EVC: variants seen among roughly 807,000 people sequenced by gnomAD.
EVC encodes the protein EvC ciliary complex subunit 1.
EVC carries 116 observed loss-of-function variants against 118.9 expected under a neutral mutation model. The observed-to-expected ratio is 0.98, with a 90% confidence interval of 0.84 to 1.14. The LOEUF is 1.14. EVC is among the 50% of genes most tolerant of loss of function. EVC has a pLI of 0.00. For synonymous variants in EVC, 619 were observed against 534.7 expected (o/e 1.16, Z -2.18); for missense variants, 1,401 against 1,246.4 (o/e 1.12, Z -1.87).
chr4:5,798,923 T>C lies in EVC; in HGVS notation c.2304+131T>C, dbSNP rs1714477206. 2.0e-6 allele frequency: 2 copies of C among 986,876 alleles called. No individual in the cohort carries two copies. Among genetic ancestry groups the C allele is most frequent in the Non-Finnish European group, 3.2e-6 (2 of 634,266 alleles). The allele number at this position is 986,876 out of a possible 1,614,324, so 61.1% of individuals were successfully genotyped here. A position where few individuals can be genotyped will look rare whatever the true frequency, so the allele number is the denominator to read the frequency against. The stretch of plus-strand genomic sequence containing the variant: ...TAGTAGACTTTGCCTGACTTCTCCA[T>C]GACTTGATTTTCTCATCTGTAAGGT... On this transcript the variant is annotated intron_variant, in intron 15 of 20. Transcript: ENST00000264956. The surrounding 1 kb of genome is among the most constrained non-coding windows in gnomAD (Gnocchi z 4.1).
the EVC span, among the ~76,000 whole-genome samples, chr4:5,820,145 T>C: frequency 6.6e-6 from 1 of 152,194 alleles, no homozygotes. Context: ...TCCTCATCTG[T>C]ACAATGGGGA....
chr4:5,779,126 G>A, intron 11 of EVC, among the ~76,000 whole-genome samples: 1 of 151,748 alleles, frequency 6.6e-6, no homozygotes, highest in South Asian at 2.1e-4. Flanking sequence ...GTTTTTCTCA[G>A]GTTTGTCAAA....
chr4:5,712,439 G>T (rs1335229712), intron 1 of EVC, among the ~76,000 whole-genome samples: 1 of 152,208 alleles, frequency 6.6e-6, no homozygotes, highest in Non-Finnish European at 1.5e-5. Context: ...GGCCCTCATG[G>T]AATTGGCTGT....
intron 14 of EVC, among the ~76,000 whole-genome samples, chr4:5,797,630 C>T (rs1270275555): frequency 6.6e-6 from 1 of 152,214 alleles, no homozygotes; most frequent in African/African-American, 2.4e-5. Context: ...ATCACCTCCT[C>T]AAAGGCACTA....
chr4:5,825,905 A>G, the EVC span: 2 of 514,754 alleles, frequency 3.9e-6, no homozygotes, highest in Non-Finnish European at 6.7e-6. This position sits in a 1 kb window ranked among gnomAD's most constrained non-coding sequence, Gnocchi z 4.4. Flanking sequence ...ATACAGACGC[A>G]CACACCACGC....
At chr4:5,750,901 G>C (rs1174384477) in intron 8 of EVC, among the ~76,000 whole-genome samples, 1 of 152,180 alleles carries the variant, frequency 6.6e-6, no homozygotes, top group African/African-American at 2.4e-5. Context: ...CCGTATCTCA[G>C]AACACAGAAG....
At chr4:5,828,636 C>T in the EVC span, 28 of 1,614,236 alleles carry the variant, frequency 1.7e-5, no homozygotes, top group Non-Finnish European at 2.3e-5. Flanking sequence ...AGCCGTGGCA[C>T]TCCATACCCT....
At chr4:5,757,582 G>T (rs1731371221) in intron 11 of EVC, among the ~76,000 whole-genome samples, 1 of 152,224 alleles carries the variant, frequency 6.6e-6, no homozygotes, top group Non-Finnish European at 1.5e-5. Flanking sequence ...CTCTCTTCCG[G>T]GCTTGCAGAC....
In EVC at chr4:5,711,299, C is replaced by G. The variant is rs1361504607; in HGVS notation, c.-82C>G. 1 of 946,712 alleles carries G rather than the reference C, an allele frequency of 1.1e-6. No homozygotes were observed. Among genetic ancestry groups the G allele is most frequent in the Non-Finnish European group, 1.3e-6 (1 of 790,898 alleles). 58.6% of individuals were successfully genotyped at this position (946,712 alleles called of 1,614,324 possible). On this transcript the variant is annotated 5_prime_UTR_variant, in exon 1 of 21. Transcript: ENST00000264956. ...GGGCCGCGCCCCTGGCCCGCCCGGG[C>G]TCCAAGTCCCGCGTCGCCGCCCTGG...
rs1730996542 is a variant in EVC, at chr4:5,755,346, T to A, written c.1465-918T>A. The stretch of plus-strand genomic sequence containing the variant: ...CCTCAGCGCTGGCGTTCAGGACACG[T>A]GGGACGCAGGCAGGGAAGGGTGAAT... On this transcript the variant is annotated intron_variant, in intron 10 of 20. Coordinates refer to ENST00000264956, the MANE Select transcript of EVC (RefSeq NM_153717.3). This position sits in a 1 kb window ranked among gnomAD's most constrained non-coding sequence, Gnocchi z 4.1. Among the ~76,000 whole-genome samples the A allele has an allele frequency of 6.6e-6, 1 of 151,894 alleles. No individual in the cohort carries two copies. The highest frequency in any genetic ancestry group is 2.4e-5 in the African/African-American group (1 of 41,304).
chr4:5,751,608 C>T (rs1332055263), intron 8 of EVC, among the ~76,000 whole-genome samples: 2 of 152,240 alleles, frequency 1.3e-5, no homozygotes, highest in African/African-American at 2.4e-5. Flanking sequence ...ACAGTGTGGC[C>T]ATGGCTGGTC....
In EVC at chr4:5,808,292, G is replaced by A. The variant is rs1241844907; in HGVS notation, c.2653G>A (p.Asp885Asn). ...HAQQQQAGVM[D>N]LLEAQLETQL... ...CCAGCAGCAGCAGGCAGGAGTCATG[G>A]ACCTTCTGGAAGCCCAGCTGGAGAC... The change falls in exon 18 of 21, where the codon GAC (aspartate) becomes AAC (asparagine). Residue 885 changes from aspartate to asparagine, a missense_variant. Physicochemically the swap from Asp to Asn is conservative, Grantham distance 23. Coordinates refer to ENST00000264956, the MANE Select transcript of EVC (RefSeq NM_153717.3). 8 of 1,614,184 alleles carry A rather than the reference G, an allele frequency of 5.0e-6. No homozygotes were observed. In the South Asian group the frequency reaches 6.6e-5, roughly 13 times the overall value.
chr4:5,784,347 C>T (rs1215757548), intron 12 of EVC, among the ~76,000 whole-genome samples: 13 of 152,186 alleles, frequency 8.5e-5, no homozygotes, highest in Non-Finnish European at 1.5e-4. Context: ...GGTTGATGTT[C>T]TAAGCAGAGG....
intron 2 of EVC, among the ~76,000 whole-genome samples, chr4:5,726,576 T>TTTA (rs1168107884): frequency 6.7e-6 from 1 of 149,672 alleles, no homozygotes; most frequent in Non-Finnish European, 1.5e-5. Flanking sequence ...TTCTTTTTTT[T>TTTA]TTTTTTTATT....
intron 16 of EVC, among the ~76,000 whole-genome samples, chr4:5,804,030 T>C (rs1715455452): frequency 6.6e-6 from 1 of 151,782 alleles, no homozygotes; most frequent in South Asian, 2.1e-4. Context: ...AACCTCTGCT[T>C]CCTGTGTTCC....
intron 1 of EVC, among the ~76,000 whole-genome samples, chr4:5,717,928 G>C (rs1724248135): frequency 6.6e-6 from 1 of 152,214 alleles, no homozygotes; most frequent in African/African-American, 2.4e-5. Context: ...CAAAAGCAGA[G>C]GCTGTGTATT....
At position 5,754,701 on chromosome 4, in the gene EVC, C is replaced by A. The variant is rs2152086046; in HGVS notation, c.1464+768C>A. 6.6e-6 allele frequency among the ~76,000 whole-genome samples: 1 copy of A among 152,244 alleles called. No homozygotes were observed. Among genetic ancestry groups the A allele is most frequent in the Admixed American group, 6.5e-5 (1 of 15,298 alleles). On this transcript the variant is annotated intron_variant, in intron 10 of 20. Transcript: ENST00000264956. The surrounding 1 kb of genome is among the most constrained non-coding windows in gnomAD (Gnocchi z 5.8). ...CACTTGGGTTTGGGTGCTGACTCTG[C>A]CACTAAATAGCTGGGTGACCTTGGG...
chr4:5,715,679 G>A (rs1426969645), intron 1 of EVC, among the ~76,000 whole-genome samples: 8 of 151,090 alleles, frequency 5.3e-5, no homozygotes, highest in Admixed American at 4.0e-4. Context: ...ACTTAATTTG[G>A]TAAGAATAAT....
intron 12 of EVC, among the ~76,000 whole-genome samples, chr4:5,791,263 G>C (rs1712733457): frequency 6.6e-6 from 1 of 152,166 alleles, no homozygotes; most frequent in South Asian, 2.1e-4. Context: ...GGAAAATATA[G>C]AAGAAGAGAC....
Sources: gnomAD v4.1 joint callset for allele counts (sites outside exome capture counted in the v4.1 genomes callset) on GRCh38, gnomAD v4.1.1 for gene constraint, Gnocchi (gnomAD v3.1) non-coding constraint, MANE v1.5 for transcripts, NCBI Gene and HGNC (gene_info 2026-07-23, HGNC 2026-07-21) for gene names.